ROR2: variants seen among roughly 807,000 people sequenced by gnomAD.
ROR2 encodes the protein tyrosine-protein kinase transmembrane receptor ROR2.
ROR2 carries 33 observed loss-of-function variants against 74.9 expected under a neutral mutation model. That is an observed-to-expected ratio of 0.44 (90% CI 0.33 to 0.59). ROR2 has a LOEUF of 0.59. Ranked by LOEUF, ROR2 falls within the 20% of genes least tolerant of loss-of-function variation. The pLI, the probability that ROR2 is intolerant of heterozygous loss-of-function variation, is 0.02. For missense variants in ROR2, 1,216 were observed against 1,313.8 expected, an observed-to-expected ratio of 0.93 and a Z score of 1.15; for synonymous variants, 586 against 558.7, an observed-to-expected ratio of 1.05 and a Z score of -0.69.
At chr9:91,936,583 CTTT>C (rs1234450138) in intron 1 of ROR2, among the ~76,000 whole-genome samples, 1 of 152,194 alleles carries the variant, frequency 6.6e-6, no homozygotes, top group African/African-American at 2.4e-5. Context: ...AACATATCTT[CTTT>C]TGAGCAATTC....
chr9:91,867,656 C>CTCTGTGTGTG (rs564755026), intron 1 of ROR2, among the ~76,000 whole-genome samples: 2,634 of 131,344 alleles, frequency 0.02, 32 homozygotes, highest in South Asian at 0.025. Context: ...CACCCATGAG[C>CTCTGTGTGTG]TGTGTGTGTG....
rs540672189 is a variant in ROR2, at chr9:91,937,029, C to CAAAAAAAAAAAAAAAAAAAAAA, written c.97+12837_97+12838insTTTTTTTTTTTTTTTTTTTTTT. ...TGGGCGACAGAGCGAGACTCCGTCT[C>CAAAAAAAAAAAAAAAAAAAAAA]AAAAAAAAAAAAAAAAAAGATTTCC... On this transcript the variant is annotated intron_variant, in intron 1 of 8. Transcript: ENST00000375708. Among the ~76,000 whole-genome samples, 11 of 65,658 alleles carry CAAAAAAAAAAAAAAAAAAAAAA rather than the reference C, an allele frequency of 1.7e-4. 1 individual carries two copies. The highest frequency in any genetic ancestry group is 3.9e-4 in the Admixed American group (2 of 5,154). The allele number at this position is 65,658 out of a possible 152,430, so 43.1% of individuals were successfully genotyped here.
At chr9:91,913,775 T>C (rs1021302342) in intron 1 of ROR2, among the ~76,000 whole-genome samples, 1 of 152,144 alleles carries the variant, frequency 6.6e-6, no homozygotes, top group African/African-American at 2.4e-5. Flanking sequence ...ATCAAATGCA[T>C]ACAGAAAGTA....
chr9:91,807,746 C>T (rs1330947119), intron 1 of ROR2, among the ~76,000 whole-genome samples: 2 of 152,172 alleles, frequency 1.3e-5, no homozygotes, highest in Admixed American at 6.5e-5. Context: ...CAGAAGTCTT[C>T]GTCTATGTTG....
At position 91,724,157 on chromosome 9, in the gene ROR2, G is replaced by C; in HGVS notation, c.2337C>G (p.Ser779Arg). ...CCACGTAGCGGGCGTTGCTCACATTGCTCACTGGGCTGGTGCTCAGGGAGC... is the reference window on the plus strand; with the variant it reads ...CCACGTAGCGGGCGTTGCTCACATTCCTCACTGGGCTGGTGCTCAGGGAGC... ...QTSSLSTSPV[S>R]NVSNARYVGP... Residue 779 changes from serine (S) to arginine (R), a missense_variant, in exon 9 of 9, where the codon AGC (serine) becomes AGG (arginine). Physicochemically the swap from Ser to Arg is moderately radical, Grantham distance 110. Coordinates refer to ENST00000375708, the MANE Select transcript of ROR2 (RefSeq NM_004560.4). The C allele has an allele frequency of 6.2e-7, 1 of 1,611,886 alleles. No homozygotes were observed. The highest frequency in any genetic ancestry group is 8.5e-7 in the Non-Finnish European group (1 of 1,180,006).
intron 1 of ROR2, among the ~76,000 whole-genome samples, chr9:91,885,262 A>T (rs1830237860): frequency 6.6e-6 from 1 of 151,316 alleles, no homozygotes; most frequent in African/African-American, 2.4e-5. Context: ...CAAAGAGCAA[A>T]GGGCACCGGA....
Position 91,723,141 on chromosome 9 carries a change from C to T in ROR2, c.*521G>A, listed in dbSNP as rs147339603. The T allele has an allele frequency of 8.1e-5, 13 of 160,384 alleles. No homozygotes were observed. The East Asian group carries it at 1.5e-3, about 18-fold the overall frequency. 9.9% of individuals were successfully genotyped at this position (160,384 alleles called of 1,614,324 possible). A position where few individuals can be genotyped will look rare whatever the true frequency, so the allele number is the denominator to read the frequency against. On this transcript the variant is annotated 3_prime_UTR_variant, in exon 9 of 9. Transcript: ENST00000375708. ...CAGCAGAGGGCAGCCTCCGTTCCAGCGAATCTTTGGCTGCTAAAGGGAGAA... is the reference window on the plus strand; with the variant it reads ...CAGCAGAGGGCAGCCTCCGTTCCAGTGAATCTTTGGCTGCTAAAGGGAGAA...
chr9:91,919,631 T>A (rs1013791260), intron 1 of ROR2, among the ~76,000 whole-genome samples: 1 of 152,224 alleles, frequency 6.6e-6, no homozygotes, highest in African/African-American at 2.4e-5. Context: ...AGGGTTCCTA[T>A]GACACCCATT....
At chr9:91,809,482 C>T (rs1827675255) in intron 1 of ROR2, among the ~76,000 whole-genome samples, 1 of 152,236 alleles carries the variant, frequency 6.6e-6, no homozygotes, top group Admixed American at 6.5e-5. Context: ...AGCAACAATT[C>T]TGCTTCACAG....
intron 1 of ROR2, among the ~76,000 whole-genome samples, chr9:91,825,155 C>G (rs891964997): frequency 5.9e-5 from 9 of 152,184 alleles, no homozygotes; most frequent in African/African-American, 2.2e-4. Flanking sequence ...CACACAGAAG[C>G]CCTTAAAGCA....
chr9:91,913,869 A>G (rs796388709), intron 1 of ROR2, among the ~76,000 whole-genome samples: 19 of 152,236 alleles, frequency 1.2e-4, no homozygotes, highest in African/African-American at 4.6e-4. Flanking sequence ...CCCAACATGA[A>G]AAGTTCGGGA....
chr9:91,789,486 C>T (rs1390789045), intron 1 of ROR2, among the ~76,000 whole-genome samples: 1 of 151,904 alleles, frequency 6.6e-6, no homozygotes, highest in African/African-American at 2.4e-5. Flanking sequence ...GCATTAAGCC[C>T]CAATTGTAAG....
chr9:91,927,108 C>T (rs1831425876), intron 1 of ROR2, among the ~76,000 whole-genome samples: 1 of 152,138 alleles, frequency 6.6e-6, no homozygotes, highest in Admixed American at 6.5e-5. Flanking sequence ...CTCTTTTGCC[C>T]CATTTCATGG....
rs1253486917 is a variant in ROR2, at chr9:91,725,212, G to GC, written c.1387-106_1387-105insG. On this transcript the variant is annotated intron_variant, in intron 8 of 8. Transcript: ENST00000375708. ...GGAGTCCCTGTGCGGCCACGACTAG[G>GC]GGGGCCTTGCAGAAGACCCGCTGGT... The GC allele has an allele frequency of 5.7e-6, 9 of 1,590,100 alleles. No homozygotes were observed. The Admixed American group carries it at 1.2e-4, about 21-fold the overall frequency.
In ROR2 at chr9:91,925,466, A is replaced by ATGTGTGTGTGTGTGTGTG. The variant is rs35012954; in HGVS notation, c.97+24383_97+24400dup. Reference sequence around the variant, plus strand: ...CCTGACAATGCTGTCAGCTGCCTGTATGTGTGTGTGTGTGTGTGTGTGTGT... The same window carrying ATGTGTGTGTGTGTGTGTG: ...CCTGACAATGCTGTCAGCTGCCTGTATGTGTGTGTGTGTGTGTGTGTGTGTGTGTGTGTGTGTGTGTGT... On this transcript the variant is annotated intron_variant, in intron 1 of 8. Coordinates refer to ENST00000375708, the MANE Select transcript of ROR2 (RefSeq NM_004560.4). Among the ~76,000 whole-genome samples, 191 of 144,602 alleles carry ATGTGTGTGTGTGTGTGTG rather than the reference A, an allele frequency of 1.3e-3. 5 individuals carry two copies. The highest frequency in any genetic ancestry group is 9.6e-3 in the Admixed American group (141 of 14,678). 94.9% of individuals were successfully genotyped at this position (144,602 alleles called of 152,430 possible).
At position 91,823,921 on chromosome 9, in the gene ROR2, G is replaced by A. The variant is rs114687989; in HGVS notation, c.98-48103C>T. Among the ~76,000 whole-genome samples, 462 of 152,260 alleles carry A rather than the reference G, an allele frequency of 3.0e-3. 4 individuals are homozygous for A. Among genetic ancestry groups the A allele is most frequent in the African/African-American group, 9.8e-3 (409 of 41,550 alleles). ...CACAATCTCTGCCGGATTCACCAGCGGTTCCTCTAAGATCCTTGCAGTTTG... is the reference window on the plus strand; with the variant it reads ...CACAATCTCTGCCGGATTCACCAGCAGTTCCTCTAAGATCCTTGCAGTTTG... On this transcript the variant is annotated intron_variant, in intron 1 of 8. Transcript: ENST00000375708.
intron 2 of ROR2, 42 bp downstream of exon 2, chr9:91,775,699 G>C (rs1211974369): frequency 6.3e-7 from 1 of 1,575,202 alleles, no homozygotes; most frequent in Middle Eastern, 1.8e-4. Context: ...TCAGCACAGG[G>C]CATTTGGAGG....
intron 1 of ROR2, among the ~76,000 whole-genome samples, chr9:91,917,074 G>A (rs987941576): frequency 6.6e-6 from 1 of 152,062 alleles, no homozygotes; most frequent in Non-Finnish European, 1.5e-5. Context: ...CAACCATTTC[G>A]TTGAAGTTCA....
intron 1 of ROR2, among the ~76,000 whole-genome samples, chr9:91,885,506 G>A (rs1230823415): frequency 6.6e-6 from 1 of 152,212 alleles, no homozygotes; most frequent in African/African-American, 2.4e-5. Context: ...GCAGCGTGTG[G>A]CTCCCGCCTG....
Sources: gnomAD v4.1 joint callset for allele counts (sites outside exome capture counted in the v4.1 genomes callset) on GRCh38, gnomAD v4.1.1 for gene constraint, MANE v1.5 for transcripts, NCBI Gene and HGNC (gene_info 2026-07-23, HGNC 2026-07-21) for gene names.